The following ZNF248 variants were observed in gnomAD, a reference collection of about 807,000 sequenced individuals.
ZNF248 encodes zinc finger protein 248.
In ZNF248, 20 loss-of-function variants were observed where a neutral mutation model predicts 44.3. That is an observed-to-expected ratio of 0.45 (90% CI 0.32 to 0.66). The LOEUF (loss-of-function observed/expected upper bound fraction) is 0.66, where lower values mean the gene tolerates loss of function less well. ZNF248 is among the 30% of genes least tolerant of loss of function. The pLI is 0.04. For missense variants in ZNF248, 654 were observed against 677.0 expected (o/e 0.97, Z 0.38); for synonymous variants, 224 against 229.0 (o/e 0.98, Z 0.20).
intron 6 of ZNF248, chr10:37,818,569 G>T: frequency 2.7e-6 from 1 of 369,102 alleles, no homozygotes; most frequent in Non-Finnish European, 5.2e-6. Flanking sequence ...TCCACTTTGT[G>T]TGTGTTGAAC....
At chr10:37,806,249 T>A (rs1564501117) in intron 6 of ZNF248, among the ~76,000 whole-genome samples, 1 of 152,236 alleles carries the variant, frequency 6.6e-6, no homozygotes, top group East Asian at 1.9e-4. Flanking sequence ...GATCATATAG[T>A]AATTCTAATT....
chr10:37,832,119 T>C lies in ZNF248; in HGVS notation c.1236A>G (p.Glu412=), dbSNP rs1301445678. 6.2e-7 allele frequency: 1 copy of C among 1,613,884 alleles called. No homozygotes were observed. Among genetic ancestry groups the C allele is most frequent in the East Asian group, 2.2e-5 (1 of 44,890 alleles). ...HTGEKPYECT[E]CGKAFCQKPH... ...GTTTCTGGCAAAAGGCTTTCCCACA[T>C]TCAGTACATTCATAGGGCTTCTCTC... The change falls in exon 6 of 6, where the codon GAA becomes GAG. Residue 412 remains glutamate (E), a synonymous_variant. Transcript: ENST00000395867.
chr10:37,850,944 T>A (rs2060123091), intron 3 of ZNF248, among the ~76,000 whole-genome samples: 1 of 152,124 alleles, frequency 6.6e-6, no homozygotes, highest in Admixed American at 6.5e-5. Flanking sequence ...AACAAAATAT[T>A]GACAAACTGG....
rs2055325811 is a variant in ZNF248, at chr10:37,830,470, GT to G, written c.*1144del. 1 of 985,370 alleles carries G rather than the reference GT, an allele frequency of 1.0e-6. No individual in the cohort carries two copies. The highest frequency in any genetic ancestry group is 1.7e-5 in the African/African-American group (1 of 57,356). The allele number at this position is 985,370 out of a possible 1,614,324, so 61.0% of individuals were successfully genotyped here. A position where few individuals can be genotyped will look rare whatever the true frequency, so the allele number is the denominator to read the frequency against. ...TATTTAGAGTAGGACAGATTCAGAG[GT>G]AGTTAAAAACCTCACGGAAATATTT... On this transcript the variant is annotated 3_prime_UTR_variant, in exon 6 of 6. Coordinates refer to ENST00000395867, the MANE Select transcript of ZNF248 (RefSeq NM_021045.3).
At chr10:37,798,043 C>T (rs1280161931) in intron 6 of ZNF248, among the ~76,000 whole-genome samples, 1 of 151,852 alleles carries the variant, frequency 6.6e-6, no homozygotes, top group Non-Finnish European at 1.5e-5. Flanking sequence ...CTCATAATAG[C>T]CAAAAGGTGG....
At position 37,819,795 on chromosome 10, in the gene ZNF248, G is replaced by C; in HGVS notation, c.330+13230C>G. ...TGTTTCTGCTCACTGGTTGCAGGAG[G>C]GTCCTGACCCATGGCAGGAGGTTTC... On this transcript the variant is annotated intron_variant, in intron 6 of 6. Transcript: ENST00000615949. The C allele has an allele frequency of 1.2e-5, 9 of 782,408 alleles. No homozygotes were observed. In the South Asian group the frequency reaches 1.2e-4, roughly 10 times the overall value. The allele number at this position is 782,408 out of a possible 1,614,324, so 48.5% of individuals were successfully genotyped here. A position where few individuals can be genotyped will look rare whatever the true frequency, so the allele number is the denominator to read the frequency against.
At position 37,829,680 on chromosome 10, in the gene ZNF248, G is replaced by GCTA. The variant is rs542228923; in HGVS notation, c.*1932_*1934dup. On this transcript the variant is annotated 3_prime_UTR_variant, in exon 6 of 6. Transcript: ENST00000395867. ...CCACCTTGTGCACTGTTATCTTCAGGCTACTGCCCTTCAGAGATAAAAACG... is the reference window on the plus strand; with the variant it reads ...CCACCTTGTGCACTGTTATCTTCAGGCTACTACTGCCCTTCAGAGATAAAAACG... 133 of 985,324 alleles carry GCTA rather than the reference G, an allele frequency of 1.3e-4. 1 individual carries two copies. The East Asian group carries it at 0.012, about 92-fold the overall frequency. 61.0% of individuals were successfully genotyped at this position (985,324 alleles called of 1,614,324 possible).
chr10:37,835,120 T>C (rs926921838), intron 5 of ZNF248, among the ~76,000 whole-genome samples: 7 of 150,514 alleles, frequency 4.7e-5, no homozygotes, highest in African/African-American at 1.7e-4. Context: ...AATTGAATAA[T>C]TTAGGCTAAA....
intron 5 of ZNF248, among the ~76,000 whole-genome samples, chr10:37,837,112 T>TG (rs1441086484): frequency 2.0e-5 from 3 of 152,004 alleles, no homozygotes; most frequent in East Asian, 3.9e-4. Flanking sequence ...GTTTGTTTTT[T>TG]TTTGTTTGTT....
chr10:37,764,928 T>C, the ZNF248 span, among the ~76,000 whole-genome samples: 1 of 152,154 alleles, frequency 6.6e-6, no homozygotes, highest in East Asian at 1.9e-4. Context: ...CTAGTTTATG[T>C]GGATATTAAA....
intron 6 of ZNF248, among the ~76,000 whole-genome samples, chr10:37,811,783 C>T (rs1380287033): frequency 6.6e-6 from 1 of 151,978 alleles, no homozygotes; most frequent in East Asian, 1.9e-4. Flanking sequence ...GAGGTCAAGG[C>T]TGCAAGTAAG....
chr10:37,788,322 A>T (rs2048125062), intron 6 of ZNF248, among the ~76,000 whole-genome samples: 1 of 151,142 alleles, frequency 6.6e-6, no homozygotes, highest in South Asian at 2.1e-4. Context: ...TTATCAAAGA[A>T]AATATACAAA....
chr10:37,790,088 C>T (rs1472680770), intron 6 of ZNF248, among the ~76,000 whole-genome samples: 5 of 148,192 alleles, frequency 3.4e-5, no homozygotes, highest in African/African-American at 1.3e-4. Context: ...AGTGAAACCC[C>T]GTCTCTACTG....
chr10:37,798,737 T>TA (rs1181341245), intron 6 of ZNF248, among the ~76,000 whole-genome samples: 2 of 152,036 alleles, frequency 1.3e-5, no homozygotes, highest in Admixed American at 1.3e-4. Context: ...TTGTCTGCAT[T>TA]AAAAAAATGA....
intron 3 of ZNF248, among the ~76,000 whole-genome samples, chr10:37,850,221 T>G (rs2060001291): frequency 6.6e-6 from 1 of 152,248 alleles, no homozygotes. Flanking sequence ...TGAACAGCGT[T>G]TGCAATTCAA....
At chr10:37,845,309 T>C (rs2059145416) in intron 3 of ZNF248, among the ~76,000 whole-genome samples, 1 of 151,596 alleles carries the variant, frequency 6.6e-6, no homozygotes, top group East Asian at 1.9e-4. Flanking sequence ...AGAGCCACCA[T>C]GCTCGGCCAC....
chr10:37,759,992 C>T, the ZNF248 span, among the ~76,000 whole-genome samples: 1 of 152,122 alleles, frequency 6.6e-6, no homozygotes, highest in African/African-American at 2.4e-5. Context: ...TGAGGTGGTT[C>T]TGAGGAGCAG....
At chr10:37,851,203 G>C (rs1393188007) in intron 3 of ZNF248, among the ~76,000 whole-genome samples, 7 of 152,202 alleles carry the variant, frequency 4.6e-5, no homozygotes, top group Admixed American at 4.6e-4. Flanking sequence ...CAAGAAAGCT[G>C]TCCTGTCTCT....
intron 6 of ZNF248, among the ~76,000 whole-genome samples, chr10:37,812,881 C>T (rs1054902309): frequency 6.6e-6 from 1 of 152,084 alleles, no homozygotes; most frequent in African/African-American, 2.4e-5. Context: ...GTGACTGTTA[C>T]AGAAAAAGCC....
Sources: gnomAD v4.1 joint callset for allele counts (sites outside exome capture counted in the v4.1 genomes callset) on GRCh38, gnomAD v4.1.1 for gene constraint, MANE v1.5 for transcripts, NCBI Gene and HGNC (gene_info 2026-07-23, HGNC 2026-07-21) for gene names.